Variants in UMAD1 observed in about 807,000 individuals in gnomAD.
UMAD1 encodes UBAP1-MVB12-associated (UMA)-domain containing protein 1.
UMAD1 carries 8 observed loss-of-function variants against 6.1 expected under a neutral mutation model. That is an observed-to-expected ratio of 1.30 (90% CI 0.76 to 2.35). The LOEUF is 2.35. UMAD1 is among the 30% of genes most tolerant of loss of function. The probability of loss-of-function intolerance (pLI) is 0.00; values close to 1 mark genes in which losing one functional copy is unlikely to be tolerated. For synonymous variants in UMAD1, 56 were observed against 31.4 expected (o/e 1.78, Z -2.61); for missense variants, 130 against 78.4 (o/e 1.66, Z -2.49).
At chr7:7,790,103 C>G (rs1782541169) in intron 2 of UMAD1, among the ~76,000 whole-genome samples, 2 of 136,316 alleles carry the variant, frequency 1.5e-5, no homozygotes, top group Admixed American at 6.9e-5. Context: ...GTTTAAGGCT[C>G]TCTGTCTGCT....
intron 2 of UMAD1, among the ~76,000 whole-genome samples, chr7:7,727,224 C>T (rs1316425594): frequency 6.6e-6 from 1 of 152,190 alleles, no homozygotes; most frequent in African/African-American, 2.4e-5. Context: ...TTGTTAAAAA[C>T]ATGCTTGTTC....
intron 3 of UMAD1, among the ~76,000 whole-genome samples, chr7:7,848,551 T>C (rs911107042): frequency 3.3e-5 from 5 of 152,022 alleles, no homozygotes; most frequent in African/African-American, 1.2e-4. Context: ...AAAATGACAA[T>C]AGAGGATATG....
At chr7:7,842,944 G>A (rs188677772) in intron 3 of UMAD1, among the ~76,000 whole-genome samples, 4 of 152,294 alleles carry the variant, frequency 2.6e-5, no homozygotes, top group Admixed American at 2.6e-4. Flanking sequence ...ACCCAGTAGG[G>A]TCTGTCCTGT....
At chr7:7,753,452 C>G (rs35897634) in intron 2 of UMAD1, among the ~76,000 whole-genome samples, 22,682 of 152,152 alleles carry the variant, frequency 0.15, 1,745 homozygotes, top group Middle Eastern at 0.19. Context: ...GGTAACCATT[C>G]TTCTACTCTC....
At chr7:7,718,275 T>C (rs1434048015) in intron 2 of UMAD1, among the ~76,000 whole-genome samples, 1 of 152,226 alleles carries the variant, frequency 6.6e-6, no homozygotes, top group Non-Finnish European at 1.5e-5. Context: ...TCTTATAGTT[T>C]ATTTTAACCA....
intron 1 of UMAD1, among the ~76,000 whole-genome samples, chr7:7,649,551 C>G (rs1306377171): frequency 6.6e-6 from 1 of 152,108 alleles, no homozygotes; most frequent in African/African-American, 2.4e-5. Flanking sequence ...CAGTTTTTTG[C>G]TTCCTATGTG....
intron 2 of UMAD1, among the ~76,000 whole-genome samples, chr7:7,785,193 T>C (rs1157183781): frequency 6.6e-6 from 1 of 152,214 alleles, no homozygotes; most frequent in East Asian, 1.9e-4. Context: ...AAAGTTGTGA[T>C]AGAATGAAAA....
In UMAD1 at chr7:7,827,177, G is replaced by GTGTGTGTGTGTA. The variant is rs34214373; in HGVS notation, c.156+25435_156+25436insGTGTGTGTGTAT. 4.1e-3 allele frequency among the ~76,000 whole-genome samples: 597 copies of GTGTGTGTGTGTA among 147,050 alleles called. 8 individuals are homozygous for GTGTGTGTGTGTA. The highest frequency in any genetic ancestry group is 0.012 in the African/African-American group (444 of 38,010). On this transcript the variant is annotated intron_variant, in intron 3 of 3. Coordinates refer to ENST00000682710, the MANE Select transcript of UMAD1 (RefSeq NM_001302348.2). The stretch of plus-strand genomic sequence containing the variant: ...TGTGTGTGTGTGTGTGTGTGTGTGT[G>GTGTGTGTGTGTA]TATCACATGAAAATTTAAATAATGG...
At chr7:7,848,950 A>G (rs576265252) in intron 3 of UMAD1, among the ~76,000 whole-genome samples, 1 of 152,116 alleles carries the variant, frequency 6.6e-6, no homozygotes, top group Non-Finnish European at 1.5e-5. Flanking sequence ...TTCTTAAAGT[A>G]TTATTGTTCT....
At chr7:7,696,804 C>T (rs1183297446) in intron 2 of UMAD1, among the ~76,000 whole-genome samples, 1 of 152,152 alleles carries the variant, frequency 6.6e-6, no homozygotes, top group African/African-American at 2.4e-5. Context: ...TGAAACCACA[C>T]TAACATGTAG....
intron 3 of UMAD1, among the ~76,000 whole-genome samples, chr7:7,847,903 T>C (rs774847949): frequency 1.3e-5 from 2 of 152,126 alleles, no homozygotes; most frequent in African/African-American, 2.4e-5. Flanking sequence ...TGGCCAAATT[T>C]CTCAAAGCCA....
At chr7:7,812,986 C>T (rs1391669690) in intron 3 of UMAD1, among the ~76,000 whole-genome samples, 5 of 152,124 alleles carry the variant, frequency 3.3e-5, no homozygotes, top group African/African-American at 1.2e-4. Context: ...TCTGAATCTT[C>T]AGGCAGTGGA....
At chr7:7,662,099 G>A (rs1289646268) in intron 1 of UMAD1, among the ~76,000 whole-genome samples, 1 of 152,142 alleles carries the variant, frequency 6.6e-6, no homozygotes, top group African/African-American at 2.4e-5. Context: ...CGGCATCTTT[G>A]TTTACACTGT....
At chr7:7,819,051 T>C (rs1207957207) in intron 3 of UMAD1, among the ~76,000 whole-genome samples, 1 of 152,156 alleles carries the variant, frequency 6.6e-6, no homozygotes, top group African/African-American at 2.4e-5. Context: ...GTTTTCACCA[T>C]GTTGGCTAGG....
At chr7:7,648,568 T>C (rs1277212036) in intron 1 of UMAD1, among the ~76,000 whole-genome samples, 1 of 152,114 alleles carries the variant, frequency 6.6e-6, no homozygotes, top group East Asian at 1.9e-4. Context: ...GAAAATAAAA[T>C]TGGCAGGGGA....
chr7:7,814,346 A>G (rs889897356), intron 3 of UMAD1, among the ~76,000 whole-genome samples: 4 of 152,108 alleles, frequency 2.6e-5, no homozygotes, highest in Admixed American at 1.3e-4. Context: ...TCTCATGGCC[A>G]TTGTAAATTT....
At chr7:7,694,717 T>C (rs1780266408) in intron 2 of UMAD1, among the ~76,000 whole-genome samples, 1 of 152,234 alleles carries the variant, frequency 6.6e-6, no homozygotes, top group Admixed American at 6.5e-5. Context: ...TGACAGGATC[T>C]CATTCTTCTT....
intron 3 of UMAD1, among the ~76,000 whole-genome samples, chr7:7,826,015 A>G (rs34066226): frequency 0.24 from 35,927 of 152,098 alleles, 4,491 homozygotes; most frequent in African/African-American, 0.31. Context: ...AATAGTTGTT[A>G]TGATGTAGTG....
At chr7:7,661,798 G>T (rs1785481388) in intron 1 of UMAD1, among the ~76,000 whole-genome samples, 1 of 152,180 alleles carries the variant, frequency 6.6e-6, no homozygotes, top group African/African-American at 2.4e-5. Context: ...GGACCCACTT[G>T]AGGAGGCAGT....
Sources: gnomAD v4.1 joint callset for allele counts (sites outside exome capture counted in the v4.1 genomes callset) on GRCh38, gnomAD v4.1.1 for gene constraint, MANE v1.5 for transcripts, NCBI Gene and HGNC (gene_info 2026-07-23, HGNC 2026-07-21) for gene names.